KCNQ1: variants seen among roughly 807,000 people sequenced by gnomAD.
The protein encoded by KCNQ1 is potassium voltage-gated channel subfamily KQT member 1.
A neutral mutation model predicts 72.4 loss-of-function variants in KCNQ1; 49 were observed. That is an observed-to-expected ratio of 0.68 (90% CI 0.54 to 0.86). The LOEUF (loss-of-function observed/expected upper bound fraction) is 0.86, where lower values mean the gene tolerates loss of function less well. Ranked by LOEUF, KCNQ1 falls within the 40% of genes least tolerant of loss-of-function variation. The probability of loss-of-function intolerance (pLI) is 0.00; values close to 1 mark genes in which losing one functional copy is unlikely to be tolerated. For synonymous variants in KCNQ1, 450 were observed against 412.6 expected, an observed-to-expected ratio of 1.09 and a Z score of -1.10; for missense variants, 790 against 945.1, an observed-to-expected ratio of 0.84 and a Z score of 2.15.
At chr11:2,533,749 C>G (rs1240718360) in intron 2 of KCNQ1, among the ~76,000 whole-genome samples, 1 of 152,242 alleles carries the variant, frequency 6.6e-6, no homozygotes, top group African/African-American at 2.4e-5. Context: ...CCCCTGCTCT[C>G]TGCAGTAAGA....
rs548596924 is a variant in KCNQ1, at chr11:2,666,845, G to A, written c.1514+4764G>A. ...AGGACATTCTGGGAACCAGTGTCCA[G>A]AAGGATGAGTGAGGGGCTTGTCAAG... On this transcript the variant is annotated intron_variant, in intron 11 of 15. Coordinates refer to ENST00000155840, the MANE Select transcript of KCNQ1 (RefSeq NM_000218.3). The A allele has an allele frequency of 1.3e-3, 502 of 398,620 alleles. No homozygotes were observed. The highest frequency in any genetic ancestry group is 1.9e-3 in the Non-Finnish European group (431 of 226,114). The allele number at this position is 398,620 out of a possible 1,614,324, so 24.7% of individuals were successfully genotyped here.
At chr11:2,506,126 A>G (rs760739019) in intron 1 of KCNQ1, among the ~76,000 whole-genome samples, 80 of 152,302 alleles carry the variant, frequency 5.3e-4, no homozygotes, top group Non-Finnish European at 6.2e-4. Flanking sequence ...TGTGCCTTCA[A>G]TGTCGTATTC....
At position 2,447,524 on chromosome 11, in the gene KCNQ1, C is replaced by T. The variant is rs1407822220; in HGVS notation, c.386+2040C>T. ...GCTTGGTGGGGGCCTGGGAGATGCG[C>T]TCCCACCCTCAGTGCCCTAGGAGGT... is the stretch of plus-strand genomic sequence containing the variant. On this transcript the variant is annotated intron_variant, in intron 1 of 15. Transcript: ENST00000155840. The surrounding 1 kb of genome is among the most constrained non-coding windows in gnomAD (Gnocchi z 7.6). Among the ~76,000 whole-genome samples the T allele has an allele frequency of 2.6e-5, 4 of 152,088 alleles. No homozygotes were observed. Among genetic ancestry groups the T allele is most frequent in the African/African-American group, 9.7e-5 (4 of 41,408 alleles).
At chr11:2,558,153 G>T (rs188081602) in intron 2 of KCNQ1, among the ~76,000 whole-genome samples, 36 of 152,368 alleles carry the variant, frequency 2.4e-4, no homozygotes, top group African/African-American at 8.7e-4. Flanking sequence ...CCCGCTGCCT[G>T]CCCCAGCCCC....
At chr11:2,456,765 C>CAAAAAA (rs61437708) in intron 1 of KCNQ1, among the ~76,000 whole-genome samples, 3 of 31,960 alleles carry the variant, frequency 9.4e-5, no homozygotes, top group African/African-American at 1.2e-4. Context: ...ACTAAAAATC[C>CAAAAAA]AAAAAAAAAA....
intron 11 of KCNQ1, among the ~76,000 whole-genome samples, chr11:2,742,981 T>C (rs1461521464): frequency 6.6e-6 from 1 of 152,190 alleles, no homozygotes; most frequent in East Asian, 1.9e-4. Flanking sequence ...TGCAGGTGGT[T>C]TGTTCTTGCC....
chr11:2,771,503 G>A (rs981605809), intron 12 of KCNQ1: 7 of 152,204 alleles, frequency 4.6e-5, no homozygotes, highest in African/African-American at 1.7e-4. Flanking sequence ...AAAAGCACAC[G>A]ATTTCTACAG....
intron 15 of KCNQ1, among the ~76,000 whole-genome samples, chr11:2,795,202 G>A (rs1195654905): frequency 1.3e-5 from 2 of 152,250 alleles, no homozygotes; most frequent in African/African-American, 4.8e-5. Context: ...CCTCTCGGGT[G>A]CTGTAGGGAT....
chr11:2,799,075 C>T (rs1847204937), intron 15 of KCNQ1, among the ~76,000 whole-genome samples: 1 of 152,158 alleles, frequency 6.6e-6, no homozygotes, highest in Non-Finnish European at 1.5e-5. Context: ...CAAAGCAGCT[C>T]CCTTGGGTAA....
At chr11:2,699,102 C>T (rs1028251946) in intron 11 of KCNQ1, 3 of 398,530 alleles carry the variant, frequency 7.5e-6, no homozygotes, top group East Asian at 3.6e-5. Flanking sequence ...CCCAATAGCG[C>T]GGACTCAGAA....
chr11:2,499,764 TATAAC>T (rs1846980217), intron 1 of KCNQ1, among the ~76,000 whole-genome samples: 3 of 152,136 alleles, frequency 2.0e-5, no homozygotes. Flanking sequence ...AGCAAGACGA[TATAAC>T]AATTTCAAAG....
intron 10 of KCNQ1, chr11:2,648,871 A>G: frequency 2.5e-6 from 1 of 398,180 alleles, no homozygotes. Context: ...TTTGTTTAAT[A>G]TACCTGGGTA....
Position 2,698,534 on chromosome 11 carries a change from G to T in KCNQ1, c.1514+36453G>T, listed in dbSNP as rs2133900746. ...GCAGGTGATCACCACCCCCAACTCAGACTGCAACCTTTACTTCGCCCCCTA... is the reference window on the plus strand; with the variant it reads ...GCAGGTGATCACCACCCCCAACTCATACTGCAACCTTTACTTCGCCCCCTA... On this transcript the variant is annotated intron_variant, in intron 11 of 15. Coordinates refer to ENST00000155840, the MANE Select transcript of KCNQ1 (RefSeq NM_000218.3). The surrounding 1 kb of genome is among the most constrained non-coding windows in gnomAD (Gnocchi z 5.1). The T allele has an allele frequency of 2.5e-6, 1 of 398,210 alleles. No homozygotes were observed. The highest frequency in any genetic ancestry group is 3.6e-5 in the East Asian group (1 of 28,056). 24.7% of individuals were successfully genotyped at this position (398,210 alleles called of 1,614,324 possible).
intron 1 of KCNQ1, among the ~76,000 whole-genome samples, chr11:2,500,113 T>C (rs1197660047): frequency 6.6e-6 from 1 of 152,236 alleles, no homozygotes; most frequent in Non-Finnish European, 1.5e-5. Context: ...TTGAAAATTT[T>C]ATTGAAATAA....
rs1850140448 is a variant in KCNQ1 at position 2,669,313 on chromosome 11, T to G, written c.1514+7232T>G. ...CTCACCATACATATGCCAGTTGCCA[T>G]GGAAAGCCTCCTCTAGGCGCAGCAG... On this transcript the variant is annotated intron_variant, in intron 11 of 15. Transcript: ENST00000155840. This position sits in a 1 kb window ranked among gnomAD's most constrained non-coding sequence, Gnocchi z 5.6. 1 of 398,632 alleles carries G rather than the reference T, an allele frequency of 2.5e-6. No homozygotes were observed. The highest frequency in any genetic ancestry group is 4.4e-6 in the Non-Finnish European group (1 of 226,074). 24.7% of individuals were successfully genotyped at this position (398,632 alleles called of 1,614,324 possible).
rs1213214701 is a variant in KCNQ1 at position 2,579,375 on chromosome 11, C to A, written c.922-4060C>A. ...GGGGTGTGCGTTCCCCGCTCGCCCC[C>A]ACAGTTCCTGCCATGGGCGTGACTT... On this transcript the variant is annotated intron_variant, in intron 6 of 15. Transcript: ENST00000155840. The surrounding 1 kb of genome is among the most constrained non-coding windows in gnomAD (Gnocchi z 6.0). Among the ~76,000 whole-genome samples, 1 of 152,196 alleles carries A rather than the reference C, an allele frequency of 6.6e-6. No homozygotes were observed. The highest frequency in any genetic ancestry group is 1.9e-4 in the East Asian group (1 of 5,178).
In KCNQ1 at chr11:2,549,852, A is replaced by G. The variant is rs1589944792; in HGVS notation, c.478-20776A>G. 6.6e-6 allele frequency among the ~76,000 whole-genome samples: 1 copy of G among 152,106 alleles called. No individual in the cohort carries two copies. The highest frequency in any genetic ancestry group is 1.9e-4 in the East Asian group (1 of 5,160). On this transcript the variant is annotated intron_variant, in intron 2 of 15. Transcript: ENST00000155840. This position sits in a 1 kb window ranked among gnomAD's most constrained non-coding sequence, Gnocchi z 6.2. ...GGTGGCGGAGAGACCCCTGGGCAGG[A>G]CACCCCTCCCTGGCTTTTCCTTCTG...
rs558673037 is a variant in KCNQ1, at chr11:2,674,937, G to A, written c.1514+12856G>A. On this transcript the variant is annotated intron_variant, in intron 11 of 15. Transcript: ENST00000155840. The surrounding 1 kb of genome is among the most constrained non-coding windows in gnomAD (Gnocchi z 5.9). ...CAGCTGCAGAGTTTTTCCAGGCCTC[G>A]CTTCTGGGGCTGACTGGAGCTGTTT... The A allele has an allele frequency of 1.0e-5, 4 of 396,714 alleles. No homozygotes were observed. In the South Asian group the frequency reaches 3.9e-4, roughly 38 times the overall value. 24.6% of individuals were successfully genotyped at this position (396,714 alleles called of 1,614,324 possible). A position where few individuals can be genotyped will look rare whatever the true frequency, so the allele number is the denominator to read the frequency against.
rs563148832 is a variant in KCNQ1, at chr11:2,463,938, C to T, written c.386+18454C>T. Among the ~76,000 whole-genome samples, 19 of 152,352 alleles carry T rather than the reference C, an allele frequency of 1.2e-4. No individual in the cohort carries two copies. Among genetic ancestry groups the T allele is most frequent in the Admixed American group, 7.2e-4 (11 of 15,300 alleles). Reference sequence around the variant, plus strand: ...CGGTGTGAGGCAGCACCGAGGGCTCCGTGCCCAGCAGGCTCACTGTCGGCA... The same window carrying T: ...CGGTGTGAGGCAGCACCGAGGGCTCTGTGCCCAGCAGGCTCACTGTCGGCA... On this transcript the variant is annotated intron_variant, in intron 1 of 15. Transcript: ENST00000155840. The surrounding 1 kb of genome is among the most constrained non-coding windows in gnomAD (Gnocchi z 7.0).
Sources: allele counts gnomAD v4.1 joint callset (sites outside exome capture counted in the v4.1 genomes callset), GRCh38; gene constraint gnomAD v4.1.1; non-coding constraint Gnocchi (gnomAD v3.1); transcripts MANE v1.5; gene names NCBI Gene and HGNC (gene_info 2026-07-23, HGNC 2026-07-21).